Variants in CCDC88C observed in about 807,000 individuals in gnomAD.
CCDC88C encodes coiled-coil and HOOK domain protein 88C.
CCDC88C carries 131 observed loss-of-function variants against 198.8 expected under a neutral mutation model. That is an observed-to-expected ratio of 0.66 (90% CI 0.57 to 0.76). The LOEUF is 0.76. Among genes scored for constraint, CCDC88C ranks in the 30% least tolerant of loss-of-function variants. The pLI is 0.00. For synonymous variants in CCDC88C, 1,166 were observed against 1,114.7 expected, an observed-to-expected ratio of 1.05 and a Z score of -0.92; for missense variants, 2,553 against 2,631.6, an observed-to-expected ratio of 0.97 and a Z score of 0.65.
At chr14:91,395,109 A>G (rs1885766006) in intron 3 of CCDC88C, among the ~76,000 whole-genome samples, 1 of 152,236 alleles carries the variant, frequency 6.6e-6, no homozygotes, top group Non-Finnish European at 1.5e-5. Flanking sequence ...CCAAGGCCAC[A>G]AATCTGAGGG....
At chr14:91,370,059 CAGG>C (rs1894719599) in intron 3 of CCDC88C, among the ~76,000 whole-genome samples, 1 of 152,200 alleles carries the variant, frequency 6.6e-6, no homozygotes, top group African/African-American at 2.4e-5. Flanking sequence ...TGAGCTGACC[CAGG>C]AGGAGGAGAA....
At chr14:91,347,143 G>A (rs1046057897) in intron 4 of CCDC88C, among the ~76,000 whole-genome samples, 2 of 152,108 alleles carry the variant, frequency 1.3e-5, no homozygotes, top group African/African-American at 4.8e-5. Flanking sequence ...CCACTCACCT[G>A]GTACTGTACC....
intron 3 of CCDC88C, among the ~76,000 whole-genome samples, chr14:91,361,769 G>C (rs1894313728): frequency 6.6e-6 from 1 of 152,102 alleles, no homozygotes; most frequent in Non-Finnish European, 1.5e-5. Flanking sequence ...TGAAAAAATT[G>C]TCTCTTAAAT....
At chr14:91,290,934 G>C (rs983882524) in intron 24 of CCDC88C, 61 bp downstream of exon 24, 9 of 1,029,246 alleles carry the variant, frequency 8.7e-6, no homozygotes, top group Non-Finnish European at 1.3e-5. Flanking sequence ...CTTTCACCCT[G>C]TGCACAGAAA....
At chr14:91,351,243 G>A (rs1179452691) in intron 4 of CCDC88C, among the ~76,000 whole-genome samples, 1 of 152,048 alleles carries the variant, frequency 6.6e-6, no homozygotes, top group Non-Finnish European at 1.5e-5. Flanking sequence ...GCTTTCCCTG[G>A]TTTTGTACTT....
At chr14:91,366,189 CA>C (rs1448847458) in intron 3 of CCDC88C, among the ~76,000 whole-genome samples, 1 of 145,906 alleles carries the variant, frequency 6.9e-6, no homozygotes. Context: ...CACACACACA[CA>C]CACACACACA....
At position 91,273,707 on chromosome 14, in the gene CCDC88C, T is replaced by G; in HGVS notation, c.5059-54A>C. ...TGGGCATGAGGGTTGGGTGGGTCCTTGGAGCCGCCTCCTGCGCGGGACGCC... is the reference window on the plus strand; with the variant it reads ...TGGGCATGAGGGTTGGGTGGGTCCTGGGAGCCGCCTCCTGCGCGGGACGCC... On this transcript the variant is annotated intron_variant, in intron 29 of 29. Transcript: ENST00000389857. The surrounding 1 kb of genome is among the most constrained non-coding windows in gnomAD (Gnocchi z 5.6). 1 of 1,376,508 alleles carries G rather than the reference T, an allele frequency of 7.3e-7. No individual in the cohort carries two copies. Among genetic ancestry groups the G allele is most frequent in the Non-Finnish European group, 9.5e-7 (1 of 1,050,654 alleles). The allele number at this position is 1,376,508 out of a possible 1,614,324, so 85.3% of individuals were successfully genotyped here.
At position 91,399,794 on chromosome 14, in the gene CCDC88C, G is replaced by A. The variant is rs186803727; in HGVS notation, c.270+8865C>T. Among the ~76,000 whole-genome samples, 10 of 148,352 alleles carry A rather than the reference G, an allele frequency of 6.7e-5. No homozygotes were observed. The East Asian group carries it at 8.0e-4, about 12-fold the overall frequency. On this transcript the variant is annotated intron_variant, in intron 3 of 29. Coordinates refer to ENST00000389857, the MANE Select transcript of CCDC88C (RefSeq NM_001080414.4). ...GCAGAGGTTGCAGTGAGCCGAGATC[G>A]CGCCACTGCACTCCAGCCTGGGCGA...
chr14:91,386,289 C>CAAAAAAAAAAAA (rs1239070390), intron 3 of CCDC88C, among the ~76,000 whole-genome samples: 3 of 106,888 alleles, frequency 2.8e-5, no homozygotes, highest in South Asian at 3.1e-4. Flanking sequence ...ACTAAAAATA[C>CAAAAAAAAAAAA]AAAAAAAAAA....
At chr14:91,301,540 A>G (rs1252530339) in intron 20 of CCDC88C, among the ~76,000 whole-genome samples, 1 of 152,148 alleles carries the variant, frequency 6.6e-6, no homozygotes, top group African/African-American at 2.4e-5. Context: ...ACATGGTGAA[A>G]CCCCATCTCT....
In CCDC88C at chr14:91,324,806, G is replaced by A. The variant is rs745771302; in HGVS notation, c.1315C>T (p.Leu439=). The A allele has an allele frequency of 3.7e-6, 6 of 1,612,726 alleles. No homozygotes were observed. Among genetic ancestry groups the A allele is most frequent in the South Asian group, 3.3e-5 (3 of 91,088 alleles). Residue 439 remains leucine (L), a synonymous_variant, in exon 12 of 30, where the codon CTG becomes TTG. Coordinates refer to ENST00000389857, the MANE Select transcript of CCDC88C (RefSeq NM_001080414.4). ...TCTGACAAGTCTGCGTTCTTGGACA[G>A]CTGCTCCAGCTCCCAGCCAAGGTGG... is the stretch of plus-strand genomic sequence containing the variant. ...SAHLGWELEQ[L]SKNADLSDAS... is the part of the protein sequence containing the mutation.
rs564554723 is a variant in CCDC88C, at chr14:91,272,559, A to C, written c.*66T>G. ...TCCTGGCACCGCAGGCAAGCAAGAG[A>C]AAAGGCCGTGAGAGTCGGAAGGCGC... On this transcript the variant is annotated 3_prime_UTR_variant, in exon 30 of 30. Transcript: ENST00000389857. 1.3e-6 allele frequency: 2 copies of C among 1,501,412 alleles called. No individual in the cohort carries two copies. The highest frequency in any genetic ancestry group is 1.8e-6 in the Non-Finnish European group (2 of 1,114,076). 93.0% of individuals were successfully genotyped at this position (1,501,412 alleles called of 1,614,324 possible). A position where few individuals can be genotyped will look rare whatever the true frequency, so the allele number is the denominator to read the frequency against.
rs1475023852 is a variant in CCDC88C at position 91,273,021 on chromosome 14, G to A, written c.5691C>T (p.Ala1897=). ...SLAPPKEERL[A]PLHQSATAPA... is the part of the protein sequence containing the mutation. Reference sequence around the variant, plus strand: ...GGGCTGTGGCAGACTGATGCAGGGGGGCCAGCCTCTCCTCCTTTGGGGGAG... The same window carrying A: ...GGGCTGTGGCAGACTGATGCAGGGGAGCCAGCCTCTCCTCCTTTGGGGGAG... Residue 1897 remains alanine (A), a synonymous_variant, in exon 30 of 30, where the codon GCC becomes GCT. Coordinates refer to ENST00000389857, the MANE Select transcript of CCDC88C (RefSeq NM_001080414.4). The surrounding 1 kb of genome is among the most constrained non-coding windows in gnomAD (Gnocchi z 5.6). The A allele has an allele frequency of 1.3e-6, 2 of 1,554,412 alleles. No individual in the cohort carries two copies. The highest frequency in any genetic ancestry group is 2.4e-5 in the East Asian group (1 of 42,006).
chr14:91,377,468 G>A (rs1373311088), intron 3 of CCDC88C, among the ~76,000 whole-genome samples: 3 of 151,982 alleles, frequency 2.0e-5, no homozygotes, highest in East Asian at 1.9e-4. Flanking sequence ...GATGCACCCC[G>A]GCCACCCGAG....
At chr14:91,385,592 C>G (rs1366995831) in intron 3 of CCDC88C, among the ~76,000 whole-genome samples, 1 of 152,214 alleles carries the variant, frequency 6.6e-6, no homozygotes, top group African/African-American at 2.4e-5. Context: ...AGGCCAAACT[C>G]GGACATCAAA....
At chr14:91,287,455 G>A (rs10131794) in intron 25 of CCDC88C, among the ~76,000 whole-genome samples, 1 of 151,810 alleles carries the variant, frequency 6.6e-6, no homozygotes, top group Admixed American at 6.6e-5. Flanking sequence ...GGCTCAAGTC[G>A]ACTGAGCAGC....
chr14:91,318,822 A>G (rs1892220850), intron 13 of CCDC88C, among the ~76,000 whole-genome samples: 1 of 149,878 alleles, frequency 6.7e-6, no homozygotes, highest in African/African-American at 2.4e-5. Flanking sequence ...GGAGGCCGAG[A>G]CAGGAGCATC....
Position 91,272,907 on chromosome 14 carries a change from C to A in CCDC88C, c.5805G>T (p.Pro1935=). 1 of 1,579,550 alleles carries A rather than the reference C, an allele frequency of 6.3e-7. No homozygotes were observed. Among genetic ancestry groups the A allele is most frequent in the Non-Finnish European group, 8.6e-7 (1 of 1,167,110 alleles). The change falls in exon 30 of 30, where the codon CCG becomes CCT. Residue 1935 remains proline, a synonymous_variant. Transcript: ENST00000389857. ...GCGCCTTGGGCTTGGTCCTGGCAGC[C>A]GGGGCTGCAGCAGGTGAGAAGTGCA... is the stretch of plus-strand genomic sequence containing the variant. ...QLLHFSPAAA[P]AARTKPKAPP...
At position 91,284,220 on chromosome 14, in the gene CCDC88C, A is replaced by G. The variant is rs905831513; in HGVS notation, c.4442-703T>C. Among the ~76,000 whole-genome samples the G allele has an allele frequency of 6.6e-6, 1 of 152,222 alleles. No homozygotes were observed. The highest frequency in any genetic ancestry group is 2.4e-5 in the African/African-American group (1 of 41,460). On this transcript the variant is annotated intron_variant, in intron 25 of 29. Coordinates refer to ENST00000389857, the MANE Select transcript of CCDC88C (RefSeq NM_001080414.4). The surrounding 1 kb of genome is among the most constrained non-coding windows in gnomAD (Gnocchi z 4.1). ...CTCCCAACACAAGATAAAAATGAAC[A>G]TGGCTGGCATTCCTAAGAGCTGACA...
Sources: allele counts gnomAD v4.1 joint callset (sites outside exome capture counted in the v4.1 genomes callset), GRCh38; gene constraint gnomAD v4.1.1; non-coding constraint Gnocchi (gnomAD v3.1); transcripts MANE v1.5; gene names NCBI Gene and HGNC (gene_info 2026-07-23, HGNC 2026-07-21).